Variants in NCALD observed in about 807,000 individuals in gnomAD.
The protein encoded by NCALD is neurocalcin delta.
Under a neutral mutation model 18.6 loss-of-function variants are expected in NCALD, and 10 were observed. The ratio of observed to expected loss-of-function variants is 0.54; its 90% CI spans 0.33 to 0.91. The LOEUF is 0.91. Ranked by LOEUF, NCALD falls within the 40% of genes least tolerant of loss-of-function variation. The probability of loss-of-function intolerance (pLI) is 0.03; values close to 1 mark genes in which losing one functional copy is unlikely to be tolerated. For synonymous variants in NCALD, 88 were observed against 87.4 expected, an observed-to-expected ratio of 1.01 and a Z score of -0.04; for missense variants, 184 against 247.6, an observed-to-expected ratio of 0.74 and a Z score of 1.72.
At position 102,005,911 on chromosome 8, in the gene NCALD, A is replaced by G. The variant is rs796540035; in HGVS notation, c.-157+14326T>C. Among the ~76,000 whole-genome samples the G allele has an allele frequency of 1.3e-4, 20 of 152,032 alleles. No homozygotes were observed. The South Asian group carries it at 3.3e-3, about 25-fold the overall frequency. ...GGGGGCAGGGGGGAGGGATAGCATT[A>G]GGAGATATACCTAATGTAAATGACG... On this transcript the variant is annotated intron_variant, in intron 2 of 6. Transcript: ENST00000311028.
At chr8:101,946,960 T>G (rs1464480520) in intron 2 of NCALD, among the ~76,000 whole-genome samples, 2 of 152,158 alleles carry the variant, frequency 1.3e-5, no homozygotes, top group African/African-American at 4.8e-5. Context: ...GAGCAAATTT[T>G]CCACTTAGTG....
At chr8:101,948,186 A>T (rs1819251752) in intron 2 of NCALD, among the ~76,000 whole-genome samples, 1 of 152,228 alleles carries the variant, frequency 6.6e-6, no homozygotes, top group Non-Finnish European at 1.5e-5. Flanking sequence ...ACGTTGCAAT[A>T]ATTTAGATAA....
intron 1 of NCALD, among the ~76,000 whole-genome samples, chr8:102,054,662 ATAGATAG>A (rs1563578061): frequency 0.064 from 2,455 of 38,284 alleles, 24 homozygotes; most frequent in Non-Finnish European, 0.073. Flanking sequence ...TTCTCTTCCG[ATAGATAG>A]ATAGATAGAT....
chr8:101,834,899 G>T (rs182391983), intron 4 of NCALD, among the ~76,000 whole-genome samples: 1 of 152,164 alleles, frequency 6.6e-6, no homozygotes, highest in Non-Finnish European at 1.5e-5. Flanking sequence ...GTGGCTTCAG[G>T]GTAGGGCACA....
At chr8:102,066,056 A>T (rs1047892776) in intron 1 of NCALD, among the ~76,000 whole-genome samples, 2 of 152,214 alleles carry the variant, frequency 1.3e-5, no homozygotes, top group Non-Finnish European at 2.9e-5. Context: ...GACCCAACTC[A>T]CAGCGCTAAC....
At chr8:101,716,434 A>T (rs531171632) in intron 2 of NCALD, among the ~76,000 whole-genome samples, 44 of 152,302 alleles carry the variant, frequency 2.9e-4, no homozygotes, top group South Asian at 6.2e-4. Flanking sequence ...AAACCTGCAC[A>T]TTCTGCACAT....
chr8:101,984,290 C>A (rs981338623), intron 2 of NCALD, among the ~76,000 whole-genome samples: 1 of 152,180 alleles, frequency 6.6e-6, no homozygotes, highest in Non-Finnish European at 1.5e-5. Flanking sequence ...GCTTTCAAGA[C>A]TAATTGTATA....
chr8:101,919,630 A>C (rs1255602687), intron 2 of NCALD, among the ~76,000 whole-genome samples: 1 of 152,164 alleles, frequency 6.6e-6, no homozygotes, highest in African/African-American at 2.4e-5. Flanking sequence ...CAAACTATGC[A>C]TCCAACAAAG....
At chr8:101,846,416 T>C (rs1286085788) in intron 4 of NCALD, among the ~76,000 whole-genome samples, 1 of 152,192 alleles carries the variant, frequency 6.6e-6, no homozygotes, top group East Asian at 1.9e-4. Flanking sequence ...GAATGGAAGA[T>C]AGTTTTGAGA....
intron 4 of NCALD, among the ~76,000 whole-genome samples, chr8:101,853,014 T>C (rs1019360120): frequency 3.9e-5 from 6 of 152,140 alleles, no homozygotes; most frequent in Non-Finnish European, 8.8e-5. Flanking sequence ...CATTACATAG[T>C]AGTTAAAAGC....
At chr8:101,845,186 C>A (rs1195195062) in intron 4 of NCALD, among the ~76,000 whole-genome samples, 6 of 152,158 alleles carry the variant, frequency 3.9e-5, no homozygotes. Context: ...TTGAGAAAGT[C>A]TTAGTTTGAA....
At position 102,081,576 on chromosome 8, in the gene NCALD, A is replaced by ACAAAACCCC. The variant is rs1563600880; in HGVS notation, c.-210+42660_-210+42661insGGGGTTTTG. On this transcript the variant is annotated intron_variant, in intron 1 of 6. Coordinates refer to the NCALD transcript ENST00000311028. ...AAAAAAAAAAAAAAAAAAAAAAAAA[A>ACAAAACCCC]CCCCAAAAAAAACTGGCTTTGCGCA... is the stretch of plus-strand genomic sequence containing the variant. 2.7e-4 allele frequency among the ~76,000 whole-genome samples: 17 copies of ACAAAACCCC among 63,432 alleles called. 1 individual carries two copies. Among genetic ancestry groups the ACAAAACCCC allele is most frequent in the African/African-American group, 1.2e-3 (9 of 7,814 alleles). The allele number at this position is 63,432 out of a possible 152,430, so 41.6% of individuals were successfully genotyped here.
At chr8:101,924,275 T>C (rs1359385629) in intron 2 of NCALD, among the ~76,000 whole-genome samples, 1 of 152,218 alleles carries the variant, frequency 6.6e-6, no homozygotes, top group Non-Finnish European at 1.5e-5. Flanking sequence ...GTCAGCCATA[T>C]CATCCATTCA....
At chr8:101,820,974 A>G (rs1813697387) in intron 4 of NCALD, among the ~76,000 whole-genome samples, 1 of 152,230 alleles carries the variant, frequency 6.6e-6, no homozygotes, top group Non-Finnish European at 1.5e-5. Flanking sequence ...CATGGTAAGT[A>G]AATCAAAACA....
chr8:101,825,916 A>C (rs971511380), intron 4 of NCALD, among the ~76,000 whole-genome samples: 14 of 152,308 alleles, frequency 9.2e-5, no homozygotes, highest in African/African-American at 3.4e-4. Flanking sequence ...GGCAGGCTGG[A>C]TTTCGCCCAC....
chr8:101,891,603 G>A (rs990292847), intron 3 of NCALD, among the ~76,000 whole-genome samples: 3 of 152,220 alleles, frequency 2.0e-5, no homozygotes, highest in Non-Finnish European at 2.9e-5. Flanking sequence ...CTGAGGTATC[G>A]GGTTCATCTC....
At chr8:101,980,773 T>A (rs1388690011) in intron 2 of NCALD, among the ~76,000 whole-genome samples, 2 of 152,190 alleles carry the variant, frequency 1.3e-5, no homozygotes, top group East Asian at 1.9e-4. Context: ...AGGTTACCCA[T>A]GAAAGCAGTG....
chr8:101,767,331 T>C (rs1488330323), intron 1 of NCALD, among the ~76,000 whole-genome samples: 3 of 152,168 alleles, frequency 2.0e-5, no homozygotes, highest in Non-Finnish European at 2.9e-5. Context: ...AATACTAGTG[T>C]TTTTCATTGA....
chr8:102,064,146 GC>G (rs1296352715), intron 1 of NCALD, among the ~76,000 whole-genome samples: 3 of 152,174 alleles, frequency 2.0e-5, no homozygotes, highest in Non-Finnish European at 4.4e-5. Context: ...AACTGTGTTT[GC>G]CTTCAGGTTC....
Sources: gnomAD v4.1 joint callset for allele counts (sites outside exome capture counted in the v4.1 genomes callset) on GRCh38, gnomAD v4.1.1 for gene constraint, MANE v1.5 for transcripts, NCBI Gene and HGNC (gene_info 2026-07-23, HGNC 2026-07-21) for gene names.